GIPC2: variants seen among roughly 807,000 people sequenced by gnomAD.
GIPC2 encodes GIPC PDZ domain containing family member 2, also known as PDZ domain-containing protein GIPC2.
In GIPC2, 30 loss-of-function variants were observed where a neutral mutation model predicts 30.6. The ratio of observed to expected loss-of-function variants is 0.98; its 90% CI spans 0.73 to 1.33. GIPC2 has a LOEUF of 1.33. Ranked by LOEUF, GIPC2 falls within the 40% of genes most tolerant of loss-of-function variation. The probability of loss-of-function intolerance (pLI) is 0.00; values close to 1 mark genes in which losing one functional copy is unlikely to be tolerated. For missense variants in GIPC2, 414 were observed against 390.3 expected, an observed-to-expected ratio of 1.06 and a Z score of -0.51; for synonymous variants, 167 against 150.0, an observed-to-expected ratio of 1.11 and a Z score of -0.83.
chr1:78,098,623 T>C (rs1030895807), intron 3 of GIPC2, among the ~76,000 whole-genome samples: 3 of 152,230 alleles, frequency 2.0e-5, no homozygotes, highest in Non-Finnish European at 4.4e-5. Flanking sequence ...GAGGCTGTTA[T>C]GGGCTGAATT....
At chr1:78,100,295 A>G (rs1205161263) in intron 3 of GIPC2, among the ~76,000 whole-genome samples, 1 of 152,216 alleles carries the variant, frequency 6.6e-6, no homozygotes, top group Non-Finnish European at 1.5e-5. Flanking sequence ...GTTTTAAATG[A>G]GCTATAATGG....
chr1:78,113,248 T>A (rs1328180839), intron 3 of GIPC2, among the ~76,000 whole-genome samples: 1 of 152,162 alleles, frequency 6.6e-6, no homozygotes, highest in Non-Finnish European at 1.5e-5. Flanking sequence ...AAATGATGGC[T>A]GTTTAAAAAT....
At chr1:78,086,108 A>G (rs756826075) in intron 2 of GIPC2, among the ~76,000 whole-genome samples, 7 of 152,076 alleles carry the variant, frequency 4.6e-5, no homozygotes, top group African/African-American at 7.2e-5. Context: ...TGTCCCAGAG[A>G]TTCTGGTATG....
chr1:78,113,325 T>C (rs930685013), intron 3 of GIPC2, among the ~76,000 whole-genome samples: 1 of 152,212 alleles, frequency 6.6e-6, no homozygotes, highest in Non-Finnish European at 1.5e-5. Flanking sequence ...CTTCACACCA[T>C]AGTCTCCTGA....
At chr1:78,048,769 A>G (rs1293543080) in intron 1 of GIPC2, among the ~76,000 whole-genome samples, 1 of 151,924 alleles carries the variant, frequency 6.6e-6, no homozygotes, top group Non-Finnish European at 1.5e-5. Context: ...AGTTTTCCAG[A>G]GTCTCAGCAA....
At chr1:78,121,699 A>G (rs1358444639) in intron 4 of GIPC2, among the ~76,000 whole-genome samples, 1 of 152,148 alleles carries the variant, frequency 6.6e-6, no homozygotes, top group Middle Eastern at 3.2e-3. Flanking sequence ...AAAAGGAGAT[A>G]TGATGAGGTA....
chr1:78,061,210 A>G (rs1432897157), intron 1 of GIPC2, among the ~76,000 whole-genome samples: 1 of 152,212 alleles, frequency 6.6e-6, no homozygotes, highest in Non-Finnish European at 1.5e-5. Flanking sequence ...GATATAACCA[A>G]ACGTGTTCCT....
chr1:78,107,503 CT>C, intron 3 of GIPC2, among the ~76,000 whole-genome samples: 1 of 151,986 alleles, frequency 6.6e-6, no homozygotes, highest in East Asian at 1.9e-4. Context: ...AACACATTAA[CT>C]TTCATAACAA....
intron 1 of GIPC2, among the ~76,000 whole-genome samples, chr1:78,056,803 C>A (rs1661306524): frequency 6.6e-6 from 1 of 152,162 alleles, no homozygotes; most frequent in South Asian, 2.1e-4. Context: ...GGTAATGAAT[C>A]CCATTATATA....
chr1:78,090,973 T>C (rs1216855633), intron 2 of GIPC2, among the ~76,000 whole-genome samples: 3 of 152,120 alleles, frequency 2.0e-5, no homozygotes, highest in Admixed American at 6.5e-5. Flanking sequence ...AAAATAAGGC[T>C]GTCAAAAAAA....
At chr1:78,080,350 T>A (rs903415350) in intron 1 of GIPC2, among the ~76,000 whole-genome samples, 7 of 152,140 alleles carry the variant, frequency 4.6e-5, no homozygotes, top group Non-Finnish European at 1.0e-4. Context: ...AATTACTTAT[T>A]TTTACCAGGC....
intron 3 of GIPC2, among the ~76,000 whole-genome samples, chr1:78,117,469 C>G (rs1662590275): frequency 6.6e-6 from 1 of 152,190 alleles, no homozygotes; most frequent in African/African-American, 2.4e-5. Flanking sequence ...CACCTCAGAT[C>G]ATCAGGCATT....
intron 2 of GIPC2, chr1:78,092,124 G>T (rs951241878): frequency 7.2e-5 from 70 of 978,974 alleles, no homozygotes; most frequent in Non-Finnish European, 1.1e-4. Context: ...AAGTAGCAGG[G>T]TGTTCAGGAT....
chr1:78,107,599 C>A (rs886301684), intron 3 of GIPC2, among the ~76,000 whole-genome samples: 1 of 151,986 alleles, frequency 6.6e-6, no homozygotes, highest in Non-Finnish European at 1.5e-5. Flanking sequence ...CTGGGGCAAG[C>A]AGATAACTTG....
At chr1:78,051,913 C>CT (rs1557525176) in intron 1 of GIPC2, among the ~76,000 whole-genome samples, 1 of 152,170 alleles carries the variant, frequency 6.6e-6, no homozygotes, top group Non-Finnish European at 1.5e-5. Flanking sequence ...CTCATTTCTC[C>CT]TTTTTAGCAA....
At chr1:78,086,620 A>G (rs1661932145) in intron 2 of GIPC2, among the ~76,000 whole-genome samples, 1 of 152,178 alleles carries the variant, frequency 6.6e-6, no homozygotes, top group African/African-American at 2.4e-5. Context: ...TGTTGGGTGC[A>G]TATATATTTA....
intron 2 of GIPC2, chr1:78,089,037 A>G (rs1661989021): frequency 6.6e-6 from 1 of 152,222 alleles, no homozygotes; most frequent in South Asian, 2.1e-4. Context: ...TGCAGAGACC[A>G]TGCTGTGTGA....
chr1:78,129,525 A>G (rs1356547284), intron 5 of GIPC2, among the ~76,000 whole-genome samples: 1 of 152,246 alleles, frequency 6.6e-6, no homozygotes, highest in Non-Finnish European at 1.5e-5. Context: ...TCAAAAAAAG[A>G]TTAAGAGGTG....
At chr1:78,094,867 C>A in intron 2 of GIPC2, 85 bp from the exon 3 acceptor site, 2 of 959,522 alleles carry the variant, frequency 2.1e-6, no homozygotes, top group South Asian at 1.7e-5. Context: ...AGGCCCAAAC[C>A]TGCTTAGCTT....
Sources: allele counts gnomAD v4.1 joint callset (sites outside exome capture counted in the v4.1 genomes callset), GRCh38; gene constraint gnomAD v4.1.1; transcripts MANE v1.5; gene names NCBI Gene and HGNC (gene_info 2026-07-23, HGNC 2026-07-21).